The following DAPK2 variants were observed in gnomAD, a reference collection of about 807,000 sequenced individuals.
The protein encoded by DAPK2 is death-associated protein kinase 2.
A neutral mutation model predicts 44.1 loss-of-function variants in DAPK2; 35 were observed. The ratio of observed to expected loss-of-function variants is 0.79; its 90% confidence interval spans 0.61 to 1.05. The LOEUF is 1.05. DAPK2 is among the 50% of genes least tolerant of loss of function. The probability of loss-of-function intolerance (pLI) is 0.00; values close to 1 mark genes in which losing one functional copy is unlikely to be tolerated. For missense variants in DAPK2, 453 were observed against 483.2 expected, an observed-to-expected ratio of 0.94 and a Z score of 0.59; for synonymous variants, 174 against 182.6, an observed-to-expected ratio of 0.95 and a Z score of 0.38.
In DAPK2 at chr15:63,940,715, T is replaced by TAATAAATA. The variant is rs569302011; in HGVS notation, c.454-1362_454-1355dup. 6.3e-4 allele frequency among the ~76,000 whole-genome samples: 95 copies of TAATAAATA among 151,528 alleles called. 1 individual carries two copies. Among genetic ancestry groups the TAATAAATA allele is most frequent in the African/African-American group, 2.1e-3 (85 of 41,074 alleles). On this transcript the variant is annotated intron_variant, in intron 3 of 10. Transcript: ENST00000261891. The stretch of plus-strand genomic sequence containing the variant: ...CAACAGAGTGAGTCTCTGTCTCAAT[T>TAATAAATA]AATAAATAAATAAATAAATAAATAA...
At chr15:63,975,050 C>A (rs367864398) in intron 2 of DAPK2, among the ~76,000 whole-genome samples, 24 of 152,176 alleles carry the variant, frequency 1.6e-4, no homozygotes, top group East Asian at 5.8e-4. Flanking sequence ...ATCTCCTTGG[C>A]TGAGAGAGGG....
At chr15:63,975,709 A>G (rs1448654585) in intron 2 of DAPK2, among the ~76,000 whole-genome samples, 1 of 151,620 alleles carries the variant, frequency 6.6e-6, no homozygotes, top group Non-Finnish European at 1.5e-5. Context: ...ACTGATTCTC[A>G]GGCCTCAGCC....
intron 3 of DAPK2, among the ~76,000 whole-genome samples, chr15:63,970,771 T>C (rs1234121464): frequency 6.6e-6 from 1 of 152,216 alleles, no homozygotes; most frequent in Non-Finnish European, 1.5e-5. Context: ...GCAACTGAGC[T>C]CAGTTACTAA....
intron 1 of DAPK2, among the ~76,000 whole-genome samples, chr15:63,985,034 T>C (rs974438653): frequency 2.6e-5 from 4 of 152,216 alleles, no homozygotes; most frequent in Non-Finnish European, 5.9e-5. Flanking sequence ...CACAAACTCA[T>C]GCATCTCTCC....
intron 1 of DAPK2, among the ~76,000 whole-genome samples, chr15:64,035,304 A>G (rs1340445960): frequency 1.3e-5 from 2 of 152,232 alleles, no homozygotes; most frequent in Non-Finnish European, 2.9e-5. Context: ...GGAAGTTCAC[A>G]AAACCATCAC....
intron 1 of DAPK2, among the ~76,000 whole-genome samples, chr15:64,039,742 T>A (rs563788756): frequency 6.6e-6 from 1 of 151,932 alleles, no homozygotes; most frequent in Non-Finnish European, 1.5e-5. Context: ...TCAACATAAA[T>A]CCATTCTCAG....
At chr15:63,937,204 T>C (rs974202508) in intron 4 of DAPK2, among the ~76,000 whole-genome samples, 2 of 152,150 alleles carry the variant, frequency 1.3e-5, no homozygotes, top group Non-Finnish European at 2.9e-5. Context: ...AGTCATCTTA[T>C]ATATTTTAAG....
At chr15:64,027,207 C>A (rs1014454107) in intron 1 of DAPK2, among the ~76,000 whole-genome samples, 1 of 152,094 alleles carries the variant, frequency 6.6e-6, no homozygotes, top group Admixed American at 6.5e-5. Flanking sequence ...CATGGTGAAA[C>A]CCTGTCTCTA....
At chr15:64,009,680 C>T (rs947631547) in intron 1 of DAPK2, among the ~76,000 whole-genome samples, 2 of 152,154 alleles carry the variant, frequency 1.3e-5, no homozygotes, top group African/African-American at 4.8e-5. Flanking sequence ...GAATCCTCAC[C>T]TTGGAATATG....
intron 3 of DAPK2, among the ~76,000 whole-genome samples, chr15:63,958,264 C>T (rs1306351313): frequency 6.6e-6 from 1 of 151,008 alleles, no homozygotes; most frequent in Non-Finnish European, 1.5e-5. Flanking sequence ...CCCTTTGTCA[C>T]ATGGGTAGAT....
intron 3 of DAPK2, among the ~76,000 whole-genome samples, chr15:63,961,245 C>T (rs1178282620): frequency 3.9e-5 from 6 of 152,114 alleles, no homozygotes; most frequent in East Asian, 1.9e-4. Context: ...TGTCTCTGTA[C>T]GTGAGATGGA....
At chr15:63,999,557 A>G (rs1595875178) in intron 1 of DAPK2, among the ~76,000 whole-genome samples, 1 of 152,184 alleles carries the variant, frequency 6.6e-6, no homozygotes, top group East Asian at 1.9e-4. Context: ...AACTTGCTCC[A>G]TCAGTAGGGG....
intron 1 of DAPK2, among the ~76,000 whole-genome samples, chr15:64,005,745 A>G (rs1363574242): frequency 1.3e-5 from 2 of 152,046 alleles, no homozygotes; most frequent in African/African-American, 2.4e-5. Context: ...ACTCTGCAAC[A>G]TGGCTGGGCA....
intron 8 of DAPK2, chr15:63,922,671 C>G (rs1158444276): frequency 1.4e-6 from 2 of 1,456,202 alleles, no homozygotes; most frequent in Non-Finnish European, 1.8e-6. Context: ...GAGGCCGCAG[C>G]AGGGTGGATG....
intron 1 of DAPK2, among the ~76,000 whole-genome samples, chr15:63,997,629 C>A (rs555135276): frequency 6.6e-6 from 1 of 152,178 alleles, no homozygotes; most frequent in African/African-American, 2.4e-5. Context: ...CCATGCCCGG[C>A]CTTTGCTGCA....
intron 5 of DAPK2, among the ~76,000 whole-genome samples, chr15:63,930,050 G>C (rs1431219950): frequency 6.6e-6 from 1 of 152,212 alleles, no homozygotes; most frequent in Non-Finnish European, 1.5e-5. Context: ...AGAACTCATG[G>C]ACTTTCAGTG....
Position 63,923,489 on chromosome 15 carries a change from C to A in DAPK2, c.858+1327G>T. The stretch of plus-strand genomic sequence containing the variant: ...ATGGGGAGAACCAGGGTGGGATGAG[C>A]ACCTCCTTAGGCCATAAGTGAGGTC... On this transcript the variant is annotated intron_variant, in intron 8 of 10. Coordinates refer to ENST00000261891, the Ensembl canonical transcript of DAPK2. This position sits in a 1 kb window ranked among gnomAD's most constrained non-coding sequence, Gnocchi z 4.2. The A allele has an allele frequency of 1.4e-6, 2 of 1,413,582 alleles. No homozygotes were observed. Among genetic ancestry groups the A allele is most frequent in the Admixed American group, 2.7e-5 (1 of 37,716 alleles). The allele number at this position is 1,413,582 out of a possible 1,614,324, so 87.6% of individuals were successfully genotyped here.
At chr15:64,014,317 G>A (rs1386152263) in intron 1 of DAPK2, among the ~76,000 whole-genome samples, 1 of 152,236 alleles carries the variant, frequency 6.6e-6, no homozygotes, top group East Asian at 1.9e-4. Flanking sequence ...TGAGCCTTCA[G>A]AGACCTGAGA....
At chr15:63,972,060 C>T (rs1276936000) in intron 2 of DAPK2, among the ~76,000 whole-genome samples, 3 of 152,368 alleles carry the variant, frequency 2.0e-5, no homozygotes, top group Non-Finnish European at 1.5e-5. Context: ...CCCCAGAGGG[C>T]TTACTTTCCC....
Sources: gnomAD v4.1 joint callset for allele counts (sites outside exome capture counted in the v4.1 genomes callset) on GRCh38, gnomAD v4.1.1 for gene constraint, Gnocchi (gnomAD v3.1) non-coding constraint, MANE v1.5 for transcripts, NCBI Gene and HGNC (gene_info 2026-07-23, HGNC 2026-07-21) for gene names.